Variants in KLF8 observed in about 807,000 individuals in gnomAD.
KLF8 encodes the protein Krueppel-like factor 8.
KLF8 carries 10 observed loss-of-function variants against 18.2 expected under a neutral mutation model. The ratio of observed to expected loss-of-function variants is 0.55; its 90% CI spans 0.34 to 0.93. The LOEUF (loss-of-function observed/expected upper bound fraction) is 0.93, where lower values mean the gene tolerates loss of function less well. KLF8 is among the 40% of genes least tolerant of loss of function. KLF8 has a pLI of 0.02. For synonymous variants in KLF8, 109 were observed against 97.3 expected, an observed-to-expected ratio of 1.12 and a Z score of -0.71; for missense variants, 264 against 277.9, an observed-to-expected ratio of 0.95 and a Z score of 0.36.
At chrX:55,964,313 C>T in the KLF8 span, among the ~76,000 whole-genome samples, 217 of 112,355 alleles carry the variant, frequency 1.9e-3, no homozygotes, top group African/African-American at 6.9e-3. Context: ...TACAGGTTCA[C>T]ACCTGTATTC....
the KLF8 span, among the ~76,000 whole-genome samples, chrX:56,079,186 T>C: frequency 9.0e-6 from 1 of 111,461 alleles, no homozygotes; most frequent in South Asian, 3.8e-4. Flanking sequence ...TTCTGCTAGC[T>C]TTTGAATGTG....
chrX:56,282,584 T>C (rs986127341), intron 5 of KLF8, among the ~76,000 whole-genome samples: 2 of 111,838 alleles, frequency 1.8e-5, no homozygotes, highest in African/African-American at 3.3e-5. Flanking sequence ...GTGTAGTAAG[T>C]TGGAAAACAG....
chrX:55,974,334 A>G, the KLF8 span, among the ~76,000 whole-genome samples: 1 of 111,455 alleles, frequency 9.0e-6, no homozygotes, highest in Admixed American at 9.6e-5. Flanking sequence ...AAAAGTTGAA[A>G]CAGAAATAGA....
Position 56,288,295 on chromosome X carries a change from A to G in KLF8, c.*3801A>G, listed in dbSNP as rs959109188. Among the ~76,000 whole-genome samples, 7 of 111,317 alleles carry G rather than the reference A, an allele frequency of 6.3e-5. No homozygotes were observed. Among genetic ancestry groups the G allele is most frequent in the Non-Finnish European group, 1.3e-4 (7 of 53,074 alleles). The stretch of plus-strand genomic sequence containing the variant: ...TTCAGGATTCCACATTACATCTAAT[A>G]GTCATATCTCCTTAGGATCCTTTTG... On this transcript the variant is annotated 3_prime_UTR_variant, in exon 6 of 6. Transcript: ENST00000468660.
chrX:55,937,051 G>C, the KLF8 span, among the ~76,000 whole-genome samples: 1 of 111,617 alleles, frequency 9.0e-6, no homozygotes, highest in African/African-American at 3.3e-5. Flanking sequence ...TGCAGCTTGA[G>C]CTCAGAGAAC....
At chrX:56,049,826 AGCT>A in the KLF8 span, among the ~76,000 whole-genome samples, 1 of 109,640 alleles carries the variant, frequency 9.1e-6, no homozygotes, top group East Asian at 2.8e-4. Context: ...TGATTGGAAT[AGCT>A]TCAGAAGGAA....
the KLF8 span, among the ~76,000 whole-genome samples, chrX:55,955,435 T>C: frequency 9.1e-6 from 1 of 109,965 alleles, no homozygotes; most frequent in Non-Finnish European, 1.9e-5. Flanking sequence ...CGTGTGATGA[T>C]AGCCATAACA....
the KLF8 span, among the ~76,000 whole-genome samples, chrX:56,179,470 G>A: frequency 2.7e-5 from 3 of 111,964 alleles, no homozygotes; most frequent in East Asian, 8.4e-4. Context: ...TTTCCTAATT[G>A]AATACCTTTA....
At chrX:55,941,268 G>A in the KLF8 span, among the ~76,000 whole-genome samples, 1 of 112,161 alleles carries the variant, frequency 8.9e-6, no homozygotes, top group Non-Finnish European at 1.9e-5. Flanking sequence ...AAGTAATGGG[G>A]AAAGGATTCC....
At chrX:56,043,114 C>CT in the KLF8 span, among the ~76,000 whole-genome samples, 30 of 109,870 alleles carry the variant, frequency 2.7e-4, no homozygotes, top group Middle Eastern at 4.7e-3. Context: ...TTTGGAAATC[C>CT]TTTTTTTTTA....
At chrX:55,924,093 C>CG in the KLF8 span, among the ~76,000 whole-genome samples, 2 of 110,619 alleles carry the variant, frequency 1.8e-5, no homozygotes, top group Non-Finnish European at 3.8e-5. Flanking sequence ...TTTTTTGAGA[C>CG]GAGTCTCGCT....
chrX:56,265,353 A>T lies in KLF8; in HGVS notation c.255A>T (p.Glu85Asp). Residue 85 changes from glutamate (E) to aspartate (D), a missense_variant, in exon 3 of 6, where the codon GAA (glutamate) becomes GAT (aspartate). Physicochemically the swap from Glu to Asp is conservative, Grantham distance 45. This residue lies in a region of KLF8 where 221 missense variants were observed against 193.6 expected (regional missense o/e 1.14). Transcript: ENST00000468660. ...LASDFSLPQVEPVDLSFHKPK... is the reference protein window; with the variant it reads ...LASDFSLPQVDPVDLSFHKPK... ...GTGATTTCAGCCTGCCCCAAGTGGA[A>T]CCAGTTGACCTCTCCTTTCACAAGC... 8.3e-7 allele frequency: 1 copy of T among 1,209,816 alleles called. No homozygotes were observed. Among genetic ancestry groups the T allele is most frequent in the South Asian group, 1.8e-5 (1 of 56,617 alleles).
In KLF8 at chrX:56,266,031, T is replaced by C. The variant is rs190873682; in HGVS notation, c.646+287T>C. On this transcript the variant is annotated intron_variant, in intron 3 of 5. Transcript: ENST00000468660. ...TTGATATTAAATAATTTAAGCATTTTATATTTAAAATATGATTATCTTGTA... is the reference window on the plus strand; with the variant it reads ...TTGATATTAAATAATTTAAGCATTTCATATTTAAAATATGATTATCTTGTA... 7.3e-4 allele frequency: 603 copies of C among 826,138 alleles called. 3 individuals are homozygous for C. The African/African-American group carries it at 0.012, about 16-fold the overall frequency. The allele number at this position is 826,138 out of a possible 1,213,427, so 68.1% of individuals were successfully genotyped here. A position where few individuals can be genotyped will look rare whatever the true frequency, so the allele number is the denominator to read the frequency against.
the KLF8 span, among the ~76,000 whole-genome samples, chrX:56,153,406 G>C: frequency 9.0e-6 from 1 of 110,813 alleles, no homozygotes; most frequent in African/African-American, 3.3e-5. Flanking sequence ...TCTCTTTAAT[G>C]TCTAGTTTAA....
the KLF8 span, among the ~76,000 whole-genome samples, chrX:56,212,894 G>T: frequency 9.8e-5 from 11 of 111,870 alleles, no homozygotes; most frequent in Non-Finnish European, 2.1e-4. Flanking sequence ...CTCTCAGCAT[G>T]AGTAGGTCTT....
At chrX:56,160,820 T>G in the KLF8 span, among the ~76,000 whole-genome samples, 1 of 111,493 alleles carries the variant, frequency 9.0e-6, no homozygotes, top group Admixed American at 9.6e-5. Context: ...TACAGCACAC[T>G]GATGGGTCTT....
chrX:55,920,954 G>A, the KLF8 span, among the ~76,000 whole-genome samples: 5 of 111,866 alleles, frequency 4.5e-5, no homozygotes, highest in African/African-American at 1.3e-4. Context: ...AGGCAATACC[G>A]TTCAGAACAT....
chrX:56,175,807 G>A, the KLF8 span, among the ~76,000 whole-genome samples: 27 of 111,641 alleles, frequency 2.4e-4, no homozygotes, highest in African/African-American at 8.1e-4. Context: ...ATATATTTAG[G>A]ATAGTTAGCT....
chrX:56,178,085 C>T, the KLF8 span, among the ~76,000 whole-genome samples: 2 of 112,086 alleles, frequency 1.8e-5, no homozygotes, highest in Non-Finnish European at 3.8e-5. Flanking sequence ...TTGGCTCACA[C>T]TGGGTGCACT....
Sources: gnomAD v4.1 joint callset for allele counts (sites outside exome capture counted in the v4.1 genomes callset) on GRCh38, gnomAD v4.1.1 for gene constraint, gnomAD v4.1.1 regional missense constraint, MANE v1.5 for transcripts, NCBI Gene and HGNC (gene_info 2026-07-23, HGNC 2026-07-21) for gene names.